The following LRP1B variants were observed in gnomAD, a reference collection of about 807,000 sequenced individuals.
LRP1B encodes the protein LDL receptor related protein 1B, also known as low-density lipoprotein receptor-related protein 1B.
In LRP1B, 217 loss-of-function variants were observed where a neutral mutation model predicts 556.6. The observed-to-expected ratio is 0.39, with a 90% CI of 0.35 to 0.44. LRP1B has a LOEUF of 0.44. LRP1B is among the 20% of genes least tolerant of loss of function. The pLI, the probability that LRP1B is intolerant of heterozygous loss-of-function variation, is 1.00. For missense variants in LRP1B, 5,053 were observed against 5,620.8 expected, an observed-to-expected ratio of 0.90 and a Z score of 3.23; for synonymous variants, 2,047 against 1,865.8, an observed-to-expected ratio of 1.10 and a Z score of -2.50.
chr2:140,368,185 TTGGC>T (rs1165285123), intron 71 of LRP1B, among the ~76,000 whole-genome samples: 1 of 151,798 alleles, frequency 6.6e-6, no homozygotes, highest in African/African-American at 2.4e-5. Context: ...TTTAAAGAGA[TTGGC>T]TGAATTAAAA....
intron 41 of LRP1B, among the ~76,000 whole-genome samples, chr2:140,631,684 ATACATG>A: frequency 1.3e-5 from 2 of 152,318 alleles, no homozygotes; most frequent in South Asian, 4.1e-4. Context: ...CTGGCATAAT[ATACATG>A]TTATTGGAAA....
intron 7 of LRP1B, among the ~76,000 whole-genome samples, chr2:141,115,077 C>T (rs989808528): frequency 6.6e-6 from 1 of 151,678 alleles, no homozygotes; most frequent in African/African-American, 2.4e-5. Flanking sequence ...TTTTCTAGAA[C>T]TTGCACATAT....
intron 3 of LRP1B, among the ~76,000 whole-genome samples, chr2:141,439,114 G>A (rs1680868725): frequency 6.6e-6 from 1 of 152,088 alleles, no homozygotes; most frequent in Non-Finnish European, 1.5e-5. Context: ...ACAACTTAAT[G>A]TTTAAAAATG....
At chr2:141,438,452 T>C (rs1680844332) in intron 3 of LRP1B, among the ~76,000 whole-genome samples, 1 of 152,192 alleles carries the variant, frequency 6.6e-6, no homozygotes, top group Non-Finnish European at 1.5e-5. Flanking sequence ...CACGCATTTT[T>C]CATTTCTAAT....
At chr2:140,308,686 G>T (rs1440476000) in intron 83 of LRP1B, among the ~76,000 whole-genome samples, 1 of 151,614 alleles carries the variant, frequency 6.6e-6, no homozygotes, top group East Asian at 1.9e-4. Context: ...GTATATACAT[G>T]ATTTTTTAGT....
intron 11 of LRP1B, among the ~76,000 whole-genome samples, chr2:141,030,696 C>T (rs1354398460): frequency 6.6e-6 from 1 of 151,884 alleles, no homozygotes; most frequent in Non-Finnish European, 1.5e-5. Context: ...ATTAAATGTC[C>T]TAATATCATT....
At chr2:141,338,202 G>A (rs1003909045) in intron 3 of LRP1B, among the ~76,000 whole-genome samples, 1 of 152,128 alleles carries the variant, frequency 6.6e-6, no homozygotes, top group Non-Finnish European at 1.5e-5. Flanking sequence ...AACCTCTTGG[G>A]ACCTAAGGTC....
chr2:142,109,213 C>A (rs1254845784), intron 1 of LRP1B, among the ~76,000 whole-genome samples: 7 of 152,080 alleles, frequency 4.6e-5, no homozygotes, highest in Admixed American at 6.6e-5. Flanking sequence ...ACATGATGAC[C>A]TTATAAACAT....
intron 72 of LRP1B, among the ~76,000 whole-genome samples, chr2:140,360,892 T>C (rs1366908413): frequency 1.3e-5 from 2 of 151,574 alleles, no homozygotes; most frequent in African/African-American, 4.8e-5. Flanking sequence ...TGCTGTTTCC[T>C]ATAATTTACT....
At chr2:141,043,220 ATAAAT>A (rs35762372) in intron 11 of LRP1B, among the ~76,000 whole-genome samples, 138,682 of 148,376 alleles carry the variant, frequency 0.93, 64,929 homozygotes, top group East Asian at 1. Flanking sequence ...ATAAAATAAA[ATAAAT>A]TAAAATAAAT....
chr2:142,059,849 A>T (rs1704837129), intron 1 of LRP1B, among the ~76,000 whole-genome samples: 2 of 152,116 alleles, frequency 1.3e-5, no homozygotes, highest in South Asian at 4.1e-4. Flanking sequence ...AAGTATTGGG[A>T]TAATTTTACC....
chr2:140,910,900 T>A (rs1694399594), intron 21 of LRP1B, among the ~76,000 whole-genome samples: 1 of 151,878 alleles, frequency 6.6e-6, no homozygotes, highest in Non-Finnish European at 1.5e-5. Flanking sequence ...TGTCAACTCT[T>A]CACCACAGTA....
At chr2:140,517,851 C>T (rs1689983594) in intron 49 of LRP1B, among the ~76,000 whole-genome samples, 1 of 151,974 alleles carries the variant, frequency 6.6e-6, no homozygotes, top group South Asian at 2.1e-4. Context: ...GCTAGGACTA[C>T]AGGCTTGTGC....
chr2:140,593,007 A>G, intron 43 of LRP1B, among the ~76,000 whole-genome samples: 1 of 152,054 alleles, frequency 6.6e-6, no homozygotes, highest in Non-Finnish European at 1.5e-5. Context: ...GTGCCATAAA[A>G]AGATAAAATA....
chr2:141,402,880 T>C (rs964785619), intron 3 of LRP1B, among the ~76,000 whole-genome samples: 2 of 152,086 alleles, frequency 1.3e-5, no homozygotes, highest in African/African-American at 4.8e-5. Context: ...AAGATGAATT[T>C]TTATGACATT....
intron 1 of LRP1B, among the ~76,000 whole-genome samples, chr2:141,989,616 T>C (rs1702287593): frequency 1.3e-5 from 2 of 151,988 alleles, no homozygotes; most frequent in African/African-American, 4.8e-5. Flanking sequence ...TGTGTGAGAG[T>C]GGGACCAGGT....
chr2:141,204,224 T>C (rs558465002), intron 6 of LRP1B, among the ~76,000 whole-genome samples: 2 of 152,310 alleles, frequency 1.3e-5, no homozygotes, highest in East Asian at 3.9e-4. Context: ...ACATAAATTA[T>C]AAAAATCAAT....
chr2:141,296,108 G>T (rs912037281), intron 3 of LRP1B, among the ~76,000 whole-genome samples: 1 of 152,014 alleles, frequency 6.6e-6, no homozygotes, highest in African/African-American at 2.4e-5. Context: ...GCAAAGTCTG[G>T]CCTTTAGGAG....
At chr2:142,063,334 G>T (rs1237808074) in intron 1 of LRP1B, among the ~76,000 whole-genome samples, 3 of 151,458 alleles carry the variant, frequency 2.0e-5, no homozygotes, top group Non-Finnish European at 4.4e-5. Flanking sequence ...AAACTAAAAG[G>T]CAGGGACTAT....
Sources: allele counts gnomAD v4.1 joint callset (sites outside exome capture counted in the v4.1 genomes callset), GRCh38; gene constraint gnomAD v4.1.1; transcripts MANE v1.5; gene names NCBI Gene and HGNC (gene_info 2026-07-23, HGNC 2026-07-21).